Variants in ANKDD1A observed in about 807,000 individuals in gnomAD.
The protein encoded by ANKDD1A is ankyrin repeat and death domain containing 1A.
A neutral mutation model predicts 63.5 loss-of-function variants in ANKDD1A; 59 were observed. The observed-to-expected ratio is 0.93, with a 90% CI of 0.75 to 1.15. The LOEUF is 1.15. ANKDD1A is among the 50% of genes most tolerant of loss of function. The pLI, the probability that ANKDD1A is intolerant of heterozygous loss-of-function variation, is 0.00. For synonymous variants in ANKDD1A, 266 were observed against 263.9 expected (o/e 1.01, Z -0.08); for missense variants, 632 against 656.4 (o/e 0.96, Z 0.41).
intron 6 of ANKDD1A, among the ~76,000 whole-genome samples, chr15:64,927,896 C>G (rs1021774486): frequency 1.3e-5 from 2 of 152,172 alleles, no homozygotes; most frequent in Admixed American, 1.3e-4. Flanking sequence ...TAAGCCATCG[C>G]GCCCGGCCTG....
chr15:64,951,720 C>CGTTCTTCCTTTCTTTTCTTTTTTTTT (rs1276132353), intron 14 of ANKDD1A, among the ~76,000 whole-genome samples: 2 of 136,250 alleles, frequency 1.5e-5, no homozygotes, highest in Non-Finnish European at 3.1e-5. Context: ...TCTTTTTCTT[C>CGTTCTTCCTTTCTTTTCTTTTTTTTT]CCTTTTCTTC....
At chr15:64,951,332 T>TTCTTTCTTCTTTCCTC (rs200209467) in intron 14 of ANKDD1A, 2 of 183,104 alleles carry the variant, frequency 1.1e-5, no homozygotes, top group African/African-American at 1.0e-4. Context: ...TCTTTCCTCT[T>TTCTTTCTTCTTTCCTC]TTTCTTTCTT....
chr15:64,957,829 T>C lies in ANKDD1A; in HGVS notation c.*641T>C, dbSNP rs2085432133. The C allele has an allele frequency of 6.6e-6, 1 of 152,168 alleles. No homozygotes were observed. The highest frequency in any genetic ancestry group is 1.5e-5 in the Non-Finnish European group (1 of 68,038). 9.4% of individuals were successfully genotyped at this position (152,168 alleles called of 1,614,324 possible). On this transcript the variant is annotated 3_prime_UTR_variant, in exon 15 of 15. Coordinates refer to ENST00000319580, the MANE Select transcript of ANKDD1A (RefSeq NM_182703.6). ...AATAATTATAATTAAAAAAACACGA[T>C]ACAGATCAGTGCATATAGTATATTA...
In ANKDD1A at chr15:64,915,780, C is replaced by T; in HGVS notation, c.35-17C>T. ...GGCATCCTCCCCCTCATCCTGCACC[C>T]CATTTTCTCCCCACAGTGCTTCCTC... On this transcript the variant is annotated splice_polypyrimidine_tract_variant and intron_variant, in intron 1 of 14. Coordinates refer to ENST00000319580, the MANE Select transcript of ANKDD1A (RefSeq NM_182703.6). The T allele has an allele frequency of 6.2e-7, 1 of 1,611,648 alleles. No individual in the cohort carries two copies.
At chr15:64,955,539 G>C (rs1374341856) in intron 14 of ANKDD1A, among the ~76,000 whole-genome samples, 1 of 152,168 alleles carries the variant, frequency 6.6e-6, no homozygotes, top group African/African-American at 2.4e-5. Context: ...TGTTTCTGGG[G>C]AATTGTGGCT....
Position 64,929,136 on chromosome 15 carries a change from G to A in ANKDD1A, c.571-1686G>A, listed in dbSNP as rs117117639. 1.5e-3 allele frequency among the ~76,000 whole-genome samples: 232 copies of A among 152,312 alleles called. 4 individuals are homozygous for A. In the East Asian group the frequency reaches 0.03, roughly 20 times the overall value. ...GGAGAGAAAAACAAAGCTGTTGAGGGCTTTTTAAAATTATTTTAAAATTTT... is the reference window on the plus strand; with the variant it reads ...GGAGAGAAAAACAAAGCTGTTGAGGACTTTTTAAAATTATTTTAAAATTTT... On this transcript the variant is annotated intron_variant, in intron 6 of 14. Coordinates refer to ENST00000319580, the MANE Select transcript of ANKDD1A (RefSeq NM_182703.6).
chr15:64,951,287 T>TC (rs1254073061), intron 14 of ANKDD1A: 1 of 558,958 alleles, frequency 1.8e-6, no homozygotes, highest in African/African-American at 4.3e-5. Context: ...TTCTTTTTCT[T>TC]TTCTTCTTCT....
At chr15:64,943,236 G>A (rs1216281349) in intron 10 of ANKDD1A, 3 of 477,354 alleles carry the variant, frequency 6.3e-6, no homozygotes, top group Non-Finnish European at 1.1e-5. Context: ...AGGCTAGTAT[G>A]GAGTTATCAA....
intron 3 of ANKDD1A, among the ~76,000 whole-genome samples, chr15:64,920,803 C>A (rs767854658): frequency 6.6e-6 from 1 of 151,390 alleles, no homozygotes; most frequent in Non-Finnish European, 1.5e-5. Flanking sequence ...CCACCTTGGT[C>A]CCTCCCAAAG....
intron 9 of ANKDD1A, among the ~76,000 whole-genome samples, chr15:64,934,697 G>A (rs2085115173): frequency 7.2e-6 from 1 of 138,704 alleles, no homozygotes; most frequent in African/African-American, 2.6e-5. Context: ...ATTTTTGGTA[G>A]AAAAATACTG....
At chr15:64,950,101 C>T (rs1488329362) in intron 14 of ANKDD1A, 129 bp downstream of exon 14, 15 of 1,492,176 alleles carry the variant, frequency 1.0e-5, no homozygotes, top group African/African-American at 1.4e-5. Flanking sequence ...AGATTCCTAC[C>T]CCTAGCCCTG....
intron 14 of ANKDD1A, among the ~76,000 whole-genome samples, chr15:64,953,144 C>CT (rs2085331687): frequency 1.5e-4 from 3 of 20,220 alleles, no homozygotes; most frequent in Non-Finnish European, 1.3e-3. Context: ...TTTTTTCTTC[C>CT]TTTTTCTCCT....
chr15:64,952,580 CTTT>C (rs775427447), intron 14 of ANKDD1A, among the ~76,000 whole-genome samples: 2 of 27,658 alleles, frequency 7.2e-5, no homozygotes, highest in South Asian at 1.4e-3. Context: ...TCTTCTCCTT[CTTT>C]TCTTCTTCTT....
chr15:64,917,242 G>C, intron 2 of ANKDD1A, 144 bp from the exon 3 acceptor site: 2 of 1,075,272 alleles, frequency 1.9e-6, no homozygotes, highest in African/African-American at 3.2e-5. Context: ...GGCAGAATGG[G>C]GCTGGGTCCC....
chr15:64,949,761 G>A, intron 13 of ANKDD1A, 80 bp from the exon 14 acceptor site: 2 of 1,563,800 alleles, frequency 1.3e-6, no homozygotes, highest in Non-Finnish European at 1.7e-6. Flanking sequence ...AGGCGGTGCA[G>A]GGTGGCATAG....
At chr15:64,950,177 G>A (rs1419339379) in intron 14 of ANKDD1A, 1 of 985,384 alleles carries the variant, frequency 1.0e-6, no homozygotes, top group Non-Finnish European at 1.2e-6. Flanking sequence ...TGCAATGAGG[G>A]TGTTGGCCCA....
chr15:64,914,825 C>G (rs151010864), intron 1 of ANKDD1A, among the ~76,000 whole-genome samples: 69 of 152,336 alleles, frequency 4.5e-4, no homozygotes, highest in Non-Finnish European at 6.3e-4. Context: ...CAGTCTGACC[C>G]TGAGCCCACA....
chr15:64,951,036 G>T (rs897125675), intron 14 of ANKDD1A: 23 of 1,259,314 alleles, frequency 1.8e-5, no homozygotes, highest in Middle Eastern at 2.2e-4. Flanking sequence ...CAGACCTTCA[G>T]GCACGTGGGA....
At chr15:64,925,828 G>A (rs11857130) in intron 4 of ANKDD1A, among the ~76,000 whole-genome samples, 7,175 of 152,202 alleles carry the variant, frequency 0.047, 585 homozygotes, top group African/African-American at 0.17. Flanking sequence ...CCGAGACTCC[G>A]GAGCTGAGGG....
Sources: allele counts gnomAD v4.1 joint callset (sites outside exome capture counted in the v4.1 genomes callset), GRCh38; gene constraint gnomAD v4.1.1; transcripts MANE v1.5; gene names NCBI Gene and HGNC (gene_info 2026-07-23, HGNC 2026-07-21).